EPHB1: variants seen among roughly 807,000 people sequenced by gnomAD.
The protein encoded by EPHB1 is EPH receptor B1.
A neutral mutation model predicts 94.4 loss-of-function variants in EPHB1; 30 were observed. The ratio of observed to expected loss-of-function variants is 0.32; its 90% CI spans 0.24 to 0.43. EPHB1 has a LOEUF of 0.43. EPHB1 is among the 20% of genes least tolerant of loss of function. The probability of loss-of-function intolerance (pLI) is 1.00; values close to 1 mark genes in which losing one functional copy is unlikely to be tolerated. For missense variants in EPHB1, 1,055 were observed against 1,308.3 expected, an observed-to-expected ratio of 0.81 and a Z score of 2.99; for synonymous variants, 522 against 489.1, an observed-to-expected ratio of 1.07 and a Z score of -0.89.
chr3:134,801,606 G>A (rs1278919942), intron 1 of EPHB1, among the ~76,000 whole-genome samples: 1 of 152,230 alleles, frequency 6.6e-6, no homozygotes, highest in African/African-American at 2.4e-5. Flanking sequence ...TGGAGAAACA[G>A]AGCATTCGAT....
At chr3:135,144,350 A>T (rs1035962174) in intron 5 of EPHB1, among the ~76,000 whole-genome samples, 2 of 152,140 alleles carry the variant, frequency 1.3e-5, no homozygotes, top group Non-Finnish European at 2.9e-5. Context: ...CAGTTCTCAA[A>T]CTTGAGAATG....
rs1162314080 is a variant in EPHB1, at chr3:135,011,234, G to A, written c.805+59182G>A. On this transcript the variant is annotated intron_variant, in intron 3 of 15. Coordinates refer to ENST00000398015, the MANE Select transcript of EPHB1 (RefSeq NM_004441.5). ...GTGGTCAGCTGAACATGGCATTGCA[G>A]TGGTCAGTTTTAGGGCAGGCCTCAT... Among the ~76,000 whole-genome samples the A allele has an allele frequency of 3.3e-5, 5 of 152,346 alleles. No homozygotes were observed. In the East Asian group the frequency reaches 9.6e-4, roughly 29 times the overall value.
chr3:134,842,683 T>C (rs2036798523), intron 1 of EPHB1, among the ~76,000 whole-genome samples: 1 of 152,188 alleles, frequency 6.6e-6, no homozygotes, highest in African/African-American at 2.4e-5. Flanking sequence ...AACTTGCTCT[T>C]CTTCAAACAT....
At chr3:135,099,012 CAAAA>C (rs34508563) in intron 3 of EPHB1, among the ~76,000 whole-genome samples, 800 of 64,510 alleles carry the variant, frequency 0.012, 12 homozygotes, top group African/African-American at 0.045. Flanking sequence ...GACCCTGCCT[CAAAA>C]AAAAAAAAAA....
chr3:135,073,207 C>A (rs776823662), intron 3 of EPHB1, among the ~76,000 whole-genome samples: 2 of 151,924 alleles, frequency 1.3e-5, no homozygotes, highest in African/African-American at 4.8e-5. Flanking sequence ...ACAACATAGG[C>A]CCTGCTTTTA....
At chr3:134,853,196 G>GGACTGTT (rs1560263879) in intron 1 of EPHB1, among the ~76,000 whole-genome samples, 1 of 152,204 alleles carries the variant, frequency 6.6e-6, no homozygotes, top group African/African-American at 2.4e-5. Context: ...CTTACCTGGG[G>GGACTGTT]GACTGTTGTC....
chr3:134,981,245 A>G (rs958675807), intron 3 of EPHB1, among the ~76,000 whole-genome samples: 1 of 152,168 alleles, frequency 6.6e-6, no homozygotes, highest in African/African-American at 2.4e-5. Flanking sequence ...GATTAACTGT[A>G]CCTGCACTGG....
At chr3:134,858,063 A>G (rs1422924939) in intron 1 of EPHB1, among the ~76,000 whole-genome samples, 1 of 152,028 alleles carries the variant, frequency 6.6e-6, no homozygotes, top group African/African-American at 2.4e-5. Flanking sequence ...AGGAGGTCTT[A>G]GCTTGTGATA....
At chr3:134,930,269 A>G (rs867440792) in intron 2 of EPHB1, among the ~76,000 whole-genome samples, 42 of 152,368 alleles carry the variant, frequency 2.8e-4, no homozygotes, top group Middle Eastern at 6.8e-3. Context: ...TCTCAGTTTT[A>G]TTGTTGAAAA....
chr3:134,950,164 C>G (rs1008582082), intron 2 of EPHB1, among the ~76,000 whole-genome samples: 2 of 152,234 alleles, frequency 1.3e-5, no homozygotes, highest in Non-Finnish European at 2.9e-5. Flanking sequence ...AAAGACATCA[C>G]TTAATACATG....
At chr3:135,251,835 T>C (rs1328830823) in intron 15 of EPHB1, among the ~76,000 whole-genome samples, 2 of 152,196 alleles carry the variant, frequency 1.3e-5, no homozygotes, top group Non-Finnish European at 2.9e-5. Context: ...CAATCAGCTG[T>C]GCTGGGTTCA....
intron 13 of EPHB1, among the ~76,000 whole-genome samples, chr3:135,245,894 G>A (rs1489980473): frequency 1.1e-4 from 17 of 151,352 alleles, no homozygotes; most frequent in African/African-American, 2.7e-4. Context: ...AGTTACATTC[G>A]GTCTAGAGCT....
chr3:134,925,933 A>G (rs1402326108), intron 2 of EPHB1, 53 bp downstream of exon 2: 4 of 1,495,222 alleles, frequency 2.7e-6, no homozygotes, highest in Non-Finnish European at 3.6e-6. Context: ...CTGGATCCAT[A>G]TGATATCTAG....
chr3:135,230,612 T>C (rs1943511550), intron 12 of EPHB1, among the ~76,000 whole-genome samples: 1 of 152,232 alleles, frequency 6.6e-6, no homozygotes, highest in Admixed American at 6.5e-5. Context: ...TTTTGGCTTT[T>C]ACTTTAGATA....
At chr3:135,230,698 T>G (rs1470330890) in intron 12 of EPHB1, among the ~76,000 whole-genome samples, 1 of 152,152 alleles carries the variant, frequency 6.6e-6, no homozygotes, top group Non-Finnish European at 1.5e-5. Flanking sequence ...ATAAGTAGTT[T>G]TTCAACCCAT....
At chr3:135,147,667 T>C (rs1941056146) in intron 5 of EPHB1, among the ~76,000 whole-genome samples, 1 of 152,200 alleles carries the variant, frequency 6.6e-6, no homozygotes, top group African/African-American at 2.4e-5. Context: ...AGTTATTGTG[T>C]TGGGGAGGCA....
intron 5 of EPHB1, among the ~76,000 whole-genome samples, chr3:135,136,101 G>A (rs12488683): frequency 0.3 from 45,485 of 152,140 alleles, 7,018 homozygotes; most frequent in South Asian, 0.37. Flanking sequence ...TGTCTGCCTT[G>A]TGGTGTTCTG....
intron 12 of EPHB1, among the ~76,000 whole-genome samples, chr3:135,228,444 TCCCCCAAAG>T (rs1270216842): frequency 6.6e-6 from 1 of 152,174 alleles, no homozygotes; most frequent in Admixed American, 6.5e-5. Context: ...AGCTGTTTAT[TCCCCCAAAG>T]CCTTTTGCCA....
rs144627427 is a variant in EPHB1, at chr3:135,204,059, G to A, written c.2346+2370G>A. ...CAGAGCAAGTGTATATATTTATAGG[G>A]TACATGAGATGTTTTGATACGGGCA... On this transcript the variant is annotated intron_variant, in intron 12 of 15. Transcript: ENST00000398015. Among the ~76,000 whole-genome samples, 140 of 152,076 alleles carry A rather than the reference G, an allele frequency of 9.2e-4. 2 individuals carry two copies. The East Asian group carries it at 0.026, about 28-fold the overall frequency.
Sources: allele counts gnomAD v4.1 joint callset (sites outside exome capture counted in the v4.1 genomes callset), GRCh38; gene constraint gnomAD v4.1.1; transcripts MANE v1.5; gene names NCBI Gene and HGNC (gene_info 2026-07-23, HGNC 2026-07-21).